CSTF2: variants seen among roughly 807,000 people sequenced by gnomAD.
CSTF2 encodes cleavage stimulation factor subunit 2, also known as CF-1 64 kDa subunit.
CSTF2 carries 8 observed loss-of-function variants against 45.4 expected under a neutral mutation model. That is an observed-to-expected ratio of 0.18 (90% CI 0.10 to 0.32). The LOEUF (loss-of-function observed/expected upper bound fraction) is 0.32, where lower values mean the gene tolerates loss of function less well. Among genes scored for constraint, CSTF2 ranks in the 10% least tolerant of loss-of-function variants. The pLI is 1.00. For synonymous variants in CSTF2, 155 were observed against 158.9 expected, an observed-to-expected ratio of 0.98 and a Z score of 0.18; for missense variants, 253 against 477.1, an observed-to-expected ratio of 0.53 and a Z score of 4.38.
At chrX:100,839,562 T>G (rs967356813) in intron 13 of CSTF2, among the ~76,000 whole-genome samples, 4 of 111,667 alleles carry the variant, frequency 3.6e-5, no homozygotes, top group Non-Finnish European at 7.5e-5. Flanking sequence ...TAATCCATAC[T>G]TGTGATGTCT....
intron 3 of CSTF2, among the ~76,000 whole-genome samples, chrX:100,823,012 C>T (rs1217666568): frequency 9.0e-6 from 1 of 111,476 alleles, no homozygotes; most frequent in African/African-American, 3.3e-5. Context: ...CCTTTTGTTT[C>T]TGAAATGACT....
At chrX:100,824,311 T>C in intron 6 of CSTF2, 54 bp downstream of exon 6, 1 of 1,069,471 alleles carries the variant, frequency 9.4e-7, no homozygotes, top group Non-Finnish European at 1.2e-6. Flanking sequence ...TGTCATTTTC[T>C]TTTTAGGAGA....
chrX:100,828,717 A>G (rs2084958219), intron 8 of CSTF2, among the ~76,000 whole-genome samples: 1 of 112,202 alleles, frequency 8.9e-6, no homozygotes, highest in Non-Finnish European at 1.9e-5. Context: ...AGTTTGAAGG[A>G]CAAGAAAGTG....
intron 6 of CSTF2, among the ~76,000 whole-genome samples, chrX:100,825,695 G>T (rs1232856934): frequency 9.0e-6 from 1 of 111,400 alleles, no homozygotes; most frequent in Non-Finnish European, 1.9e-5. Flanking sequence ...AGTGTGTGTG[G>T]TTGTGTTCCG....
At chrX:100,833,087 C>T in intron 10 of CSTF2, 93 bp from the exon 11 acceptor site, 1 of 1,037,541 alleles carries the variant, frequency 9.6e-7, no homozygotes, top group South Asian at 2.2e-5. Context: ...ACAAATGTGA[C>T]TAGAAGAGAT....
At chrX:100,829,419 A>C in intron 8 of CSTF2, among the ~76,000 whole-genome samples, 1 of 111,522 alleles carries the variant, frequency 9.0e-6, no homozygotes, top group South Asian at 3.8e-4. Context: ...TGAGCCCAAC[A>C]GGTTGAGACT....
chrX:100,820,770 A>G, intron 1 of CSTF2: 2 of 421,706 alleles, frequency 4.7e-6, no homozygotes, highest in Non-Finnish European at 8.9e-6. Context: ...ACAGCTCCTC[A>G]CTGTCCCGTA....
intron 6 of CSTF2, among the ~76,000 whole-genome samples, chrX:100,826,343 A>G (rs2084944348): frequency 9.8e-6 from 1 of 102,288 alleles, no homozygotes; most frequent in East Asian, 3.0e-4. Context: ...CATGAAGTTA[A>G]CAGTAGGTGT....
chrX:100,828,131 T>C (rs758827409), intron 8 of CSTF2, 29 bp downstream of exon 8: 4 of 1,122,478 alleles, frequency 3.6e-6, no homozygotes, highest in Non-Finnish European at 4.9e-6. Context: ...CTGACTAATG[T>C]TAATTGGTCA....
intron 2 of CSTF2, 136 bp from the exon 3 acceptor site, chrX:100,822,115 T>A (rs1395959986): frequency 8.2e-6 from 4 of 488,475 alleles, no homozygotes; most frequent in Non-Finnish European, 9.6e-6. Context: ...AAAAAAGTTT[T>A]AAAAAATATT....
At position 100,837,455 on chromosome X, in the gene CSTF2, C is replaced by T. The variant is rs758637120; in HGVS notation, c.1611+6C>T. The stretch of plus-strand genomic sequence containing the variant: ...CTCCACAGGATCATGAGAAGGTAAG[C>T]AACACTGTCTGACTGCCTCCTTATG... On this transcript the variant is annotated splice_donor_region_variant and intron_variant, in intron 12 of 13. Transcript: ENST00000372972. The T allele has an allele frequency of 2.7e-5, 31 of 1,133,447 alleles. No individual in the cohort carries two copies. In the East Asian group the frequency reaches 8.1e-4, roughly 30 times the overall value. 93.4% of individuals were successfully genotyped at this position (1,133,447 alleles called of 1,213,427 possible).
intron 11 of CSTF2, 152 bp from the exon 12 acceptor site, chrX:100,837,187 T>C: frequency 2.6e-6 from 1 of 387,578 alleles, no homozygotes. Flanking sequence ...CCTTCTGCTA[T>C]TGCTAACAGT....
chrX:100,833,304 A>G lies in CSTF2; in HGVS notation c.1332A>G (p.Ala444=). 3 of 1,209,409 alleles carry G rather than the reference A, an allele frequency of 2.5e-6. No homozygotes were observed. The highest frequency in any genetic ancestry group is 3.4e-6 in the Non-Finnish European group (3 of 894,598). The change falls in exon 11 of 14, where the codon GCA becomes GCG. Residue 444 remains alanine (A), a synonymous_variant. Coordinates refer to ENST00000372972, the MANE Select transcript of CSTF2 (RefSeq NM_001325.3). The part of the protein sequence containing the change: ...AMEARAMEAR[A]MEARAMEARA... ...AGGCCCGTGCGATGGAAGCTCGTGC[A>G]ATGGAGGCCCGAGCGATGGAGGCCC...
intron 11 of CSTF2, among the ~76,000 whole-genome samples, chrX:100,834,121 T>C (rs1311691882): frequency 8.9e-6 from 1 of 111,875 alleles, no homozygotes; most frequent in Non-Finnish European, 1.9e-5. Context: ...ATGCTCCCTC[T>C]TCATCTCGAC....
At chrX:100,821,137 C>T (rs189740891) in intron 1 of CSTF2, among the ~76,000 whole-genome samples, 111 of 112,748 alleles carry the variant, frequency 9.8e-4, no homozygotes, top group African/African-American at 3.4e-3. Flanking sequence ...CTACATTCAT[C>T]GTCATTCTCC....
chrX:100,834,452 T>G (rs1399689607), intron 11 of CSTF2, among the ~76,000 whole-genome samples: 1 of 112,249 alleles, frequency 8.9e-6, no homozygotes, highest in Non-Finnish European at 1.9e-5. Context: ...CTTTTTCCAC[T>G]TTACTACTCT....
At chrX:100,824,850 C>T (rs184599860) in intron 6 of CSTF2, among the ~76,000 whole-genome samples, 31 of 112,340 alleles carry the variant, frequency 2.8e-4, no homozygotes, top group African/African-American at 9.4e-4. Flanking sequence ...CCTAAATGTA[C>T]GTCAGTGGAA....
At chrX:100,825,477 T>C (rs2084939149) in intron 6 of CSTF2, among the ~76,000 whole-genome samples, 1 of 112,036 alleles carries the variant, frequency 8.9e-6, no homozygotes, top group Non-Finnish European at 1.9e-5. Flanking sequence ...ATCATTTATA[T>C]ATGTAATGTT....
At chrX:100,838,442 A>C in intron 13 of CSTF2, 78 bp downstream of exon 13, 1 of 977,411 alleles carries the variant, frequency 1.0e-6, no homozygotes, top group South Asian at 3.5e-5. Context: ...CTTAACCAAC[A>C]AGATTGTTCT....
Sources: allele counts gnomAD v4.1 joint callset (sites outside exome capture counted in the v4.1 genomes callset), GRCh38; gene constraint gnomAD v4.1.1; transcripts MANE v1.5; gene names NCBI Gene and HGNC (gene_info 2026-07-23, HGNC 2026-07-21).